SMIM21: variants seen among roughly 807,000 people sequenced by gnomAD.
The protein encoded by SMIM21 is chromosome 18 open reading frame 62.
Under a neutral mutation model 8.6 loss-of-function variants are expected in SMIM21, and 8 were observed. That is an observed-to-expected ratio of 0.93 (90% CI 0.55 to 1.68). The LOEUF is 1.68. Ranked by LOEUF, SMIM21 falls within the 40% of genes most tolerant of loss-of-function variation. SMIM21 has a pLI of 0.00. For synonymous variants in SMIM21, 43 were observed against 41.7 expected (o/e 1.03, Z -0.12); for missense variants, 132 against 123.0 (o/e 1.07, Z -0.35).
In SMIM21 at chr18:75,410,624, G is replaced by T; in HGVS notation, c.*240C>A. 3 of 1,075,686 alleles carry T rather than the reference G, an allele frequency of 2.8e-6. No homozygotes were observed. The highest frequency in any genetic ancestry group is 3.3e-4 in the Middle Eastern group (1 of 3,044). The allele number at this position is 1,075,686 out of a possible 1,614,324, so 66.6% of individuals were successfully genotyped here. A position where few individuals can be genotyped will look rare whatever the true frequency, so the allele number is the denominator to read the frequency against. On this transcript the variant is annotated 3_prime_UTR_variant, in exon 3 of 3. Transcript: ENST00000579022. ...AGGGCAGATTTCGCAGGGTTGGGTG[G>T]CATCTGCAGCTCTCCTCCGGAATAT...
intron 2 of SMIM21, chr18:75,416,627 C>T (rs1478542344): frequency 6.6e-6 from 1 of 152,182 alleles, no homozygotes; most frequent in East Asian, 1.9e-4. Flanking sequence ...GTCTTTGATT[C>T]AACATACATG....
At chr18:75,426,300 TTTGTTTG>T (rs2024761044) in intron 1 of SMIM21, among the ~76,000 whole-genome samples, 2 of 151,676 alleles carry the variant, frequency 1.3e-5, no homozygotes, top group Admixed American at 6.6e-5. Flanking sequence ...TATTTGTTTG[TTTGTTTG>T]TTTGTTTGTT....
intron 1 of SMIM21, among the ~76,000 whole-genome samples, chr18:75,420,045 G>A (rs774947137): frequency 6.6e-5 from 10 of 152,284 alleles, no homozygotes; most frequent in Non-Finnish European, 1.3e-4. Flanking sequence ...ATAGGGCTAG[G>A]CACCATTGAA....
At chr18:75,422,335 G>T (rs755835812) in intron 1 of SMIM21, among the ~76,000 whole-genome samples, 1 of 152,032 alleles carries the variant, frequency 6.6e-6, no homozygotes, top group Non-Finnish European at 1.5e-5. Context: ...TGCATCAACT[G>T]AACATTTAAC....
chr18:75,419,556 G>A (rs2024687877), intron 1 of SMIM21, among the ~76,000 whole-genome samples: 1 of 152,084 alleles, frequency 6.6e-6, no homozygotes, highest in Admixed American at 6.6e-5. Context: ...CAAAATCAAT[G>A]AAAATTAACA....
chr18:75,422,843 T>A (rs976645232), intron 1 of SMIM21, among the ~76,000 whole-genome samples: 1 of 152,210 alleles, frequency 6.6e-6, no homozygotes, highest in Non-Finnish European at 1.5e-5. Flanking sequence ...GAGATTTCTT[T>A]ATGGGGTTAT....
At chr18:75,410,940 T>A in intron 2 of SMIM21, 31 bp from the exon 3 acceptor site, 1 of 1,612,682 alleles carries the variant, frequency 6.2e-7, no homozygotes, top group Admixed American at 1.7e-5. Flanking sequence ...AAAAAGCATT[T>A]TATTTTTTTG....
At chr18:75,422,963 T>A (rs992565746) in intron 1 of SMIM21, among the ~76,000 whole-genome samples, 4 of 152,242 alleles carry the variant, frequency 2.6e-5, no homozygotes, top group Non-Finnish European at 5.9e-5. Context: ...AAATTATATC[T>A]CTACATGTTA....
intron 1 of SMIM21, among the ~76,000 whole-genome samples, chr18:75,421,863 A>G (rs920049117): frequency 6.6e-6 from 1 of 152,148 alleles, no homozygotes; most frequent in Non-Finnish European, 1.5e-5. Flanking sequence ...CGAAATACCT[A>G]ACCTCATTCA....
intron 1 of SMIM21, among the ~76,000 whole-genome samples, chr18:75,424,404 TAACTC>T (rs1459032276): frequency 8.5e-5 from 13 of 152,222 alleles, no homozygotes; most frequent in Admixed American, 5.9e-4. Flanking sequence ...TTTATGTAAT[TAACTC>T]AGAGGAGGGA....
chr18:75,427,028 G>C (rs1019036256), intron 1 of SMIM21, among the ~76,000 whole-genome samples: 1 of 152,194 alleles, frequency 6.6e-6, no homozygotes, highest in Non-Finnish European at 1.5e-5. Context: ...TTCTAGGAGT[G>C]CAGTATCAAA....
At chr18:75,414,530 G>A (rs1466285776) in intron 2 of SMIM21, among the ~76,000 whole-genome samples, 1 of 152,156 alleles carries the variant, frequency 6.6e-6, no homozygotes, top group African/African-American at 2.4e-5. Context: ...TCAAGGAGAA[G>A]AGAGCCCTGC....
Position 75,427,394 on chromosome 18 carries a change from C to G in SMIM21, c.129+41G>C, listed in dbSNP as rs538676371. ...GTAGGACCATACCTGTGCAGTGATA[C>G]GTCTCTCTCATAACCCAAAGTTAAA... On this transcript the variant is annotated intron_variant, in intron 1 of 2. Transcript: ENST00000579022. 90 of 1,598,774 alleles carry G rather than the reference C, an allele frequency of 5.6e-5. No individual in the cohort carries two copies. In the African/African-American group the frequency reaches 1.0e-3, roughly 19 times the overall value.
chr18:75,416,165 A>C lies in SMIM21; in HGVS notation c.260+2621T>G, dbSNP rs184801228. On this transcript the variant is annotated intron_variant, in intron 2 of 2. Coordinates refer to ENST00000579022, the MANE Select transcript of SMIM21 (RefSeq NM_001037331.3). ...TTGGTTGTTCCTGCCAACAATTATG[A>C]AGCTGCCTAGTTTTTCACAGCCTCG... The C allele has an allele frequency of 2.2e-4, 34 of 152,356 alleles. No homozygotes were observed. In the East Asian group the frequency reaches 4.4e-3, roughly 20 times the overall value. 9.4% of individuals were successfully genotyped at this position (152,356 alleles called of 1,614,324 possible).
At chr18:75,417,633 C>T (rs17209735) in intron 2 of SMIM21, 1,889 of 152,312 alleles carry the variant, frequency 0.012, 17 homozygotes, top group Non-Finnish European at 0.019. Flanking sequence ...CTCAACCCTC[C>T]GTAAGCTCAA....
intron 1 of SMIM21, among the ~76,000 whole-genome samples, chr18:75,425,166 G>A (rs558665145): frequency 9.2e-5 from 14 of 152,286 alleles, no homozygotes; most frequent in East Asian, 5.8e-4. Context: ...GATTTTCGTC[G>A]TCTGTGCATG....
chr18:75,425,869 G>A (rs1388029364), intron 1 of SMIM21, among the ~76,000 whole-genome samples: 2 of 152,160 alleles, frequency 1.3e-5, no homozygotes, highest in Admixed American at 6.6e-5. Context: ...GAGGGGACAG[G>A]GACAGTCTCT....
chr18:75,411,767 G>C (rs1365090820), intron 2 of SMIM21, among the ~76,000 whole-genome samples: 1 of 152,188 alleles, frequency 6.6e-6, no homozygotes, highest in Non-Finnish European at 1.5e-5. Context: ...CCTATTTTAG[G>C]TGGAGGTTAG....
intron 2 of SMIM21, among the ~76,000 whole-genome samples, chr18:75,414,957 T>G (rs777993598): frequency 2.0e-5 from 3 of 152,170 alleles, no homozygotes; most frequent in Non-Finnish European, 2.9e-5. Flanking sequence ...TTATAAAATG[T>G]GTTTGTAAGA....
Sources: gnomAD v4.1 joint callset for allele counts (sites outside exome capture counted in the v4.1 genomes callset) on GRCh38, gnomAD v4.1.1 for gene constraint, MANE v1.5 for transcripts, NCBI Gene and HGNC (gene_info 2026-07-23, HGNC 2026-07-21) for gene names.